NTRK3: variants seen among roughly 807,000 people sequenced by gnomAD.
The protein encoded by NTRK3 is NT-3 growth factor receptor.
In NTRK3, 24 loss-of-function variants were observed where a neutral mutation model predicts 91.7. The ratio of observed to expected loss-of-function variants is 0.26; its 90% CI spans 0.19 to 0.37. The LOEUF is 0.37. Among genes scored for constraint, NTRK3 ranks in the 10% least tolerant of loss-of-function variants. NTRK3 has a pLI of 1.00. For synonymous variants in NTRK3, 483 were observed against 404.0 expected (o/e 1.20, Z -2.34); for missense variants, 880 against 1,068.9 (o/e 0.82, Z 2.46).
chr15:87,878,852 C>A (rs1346284168), intron 18 of NTRK3, among the ~76,000 whole-genome samples: 5 of 151,964 alleles, frequency 3.3e-5, no homozygotes, highest in Admixed American at 3.3e-4. Flanking sequence ...AGCCCAGAAC[C>A]TCTGTTTACT....
chr15:88,003,096 GA>G (rs1471362787), intron 14 of NTRK3, among the ~76,000 whole-genome samples: 2 of 151,934 alleles, frequency 1.3e-5, no homozygotes, highest in Non-Finnish European at 2.9e-5. Context: ...GAAAGATTTA[GA>G]AAAAAAATCA....
chr15:87,997,529 CACAA>C (rs1350508186), intron 14 of NTRK3, among the ~76,000 whole-genome samples: 3 of 152,118 alleles, frequency 2.0e-5, no homozygotes, highest in Admixed American at 6.5e-5. Context: ...GCAAATATAT[CACAA>C]ACAGACACAC....
At chr15:88,032,748 G>T in intron 14 of NTRK3, 109 bp downstream of exon 14, 2 of 1,229,348 alleles carry the variant, frequency 1.6e-6, no homozygotes, top group East Asian at 2.4e-5. Context: ...AAAGTGGGAG[G>T]TTGGCAGGTA....
intron 3 of NTRK3, among the ~76,000 whole-genome samples, chr15:88,211,996 A>G (rs1349432314): frequency 1.3e-5 from 2 of 152,238 alleles, no homozygotes; most frequent in East Asian, 3.8e-4. Context: ...GCCCAGATAC[A>G]TTGCTTTCTA....
chr15:87,879,339 C>T (rs147750994), intron 18 of NTRK3, among the ~76,000 whole-genome samples: 23 of 152,268 alleles, frequency 1.5e-4, no homozygotes, highest in African/African-American at 5.1e-4. Context: ...TTTCATAGGT[C>T]GACTGGGTTG....
At chr15:88,102,018 TAATAA>T (rs996245091) in intron 13 of NTRK3, among the ~76,000 whole-genome samples, 10 of 151,788 alleles carry the variant, frequency 6.6e-5, no homozygotes, top group East Asian at 1.9e-4. Flanking sequence ...AGTATAATAA[TAATAA>T]AATAAAATAA....
chr15:88,190,620 C>A (rs1405866449), intron 3 of NTRK3, among the ~76,000 whole-genome samples: 1 of 152,222 alleles, frequency 6.6e-6, no homozygotes, highest in Admixed American at 6.5e-5. Context: ...GCCCCTCCTC[C>A]CTCCCAAATG....
At chr15:88,046,149 A>T (rs7167737) in intron 13 of NTRK3, among the ~76,000 whole-genome samples, 28 of 152,106 alleles carry the variant, frequency 1.8e-4, no homozygotes, top group African/African-American at 5.3e-4. Flanking sequence ...GAGGAATCTC[A>T]GGCTCTGGGT....
intron 14 of NTRK3, among the ~76,000 whole-genome samples, chr15:88,030,119 T>A (rs1229916699): frequency 6.6e-6 from 1 of 152,140 alleles, no homozygotes; most frequent in African/African-American, 2.4e-5. Flanking sequence ...TGATCTGGAG[T>A]CATCTCATGA....
intron 13 of NTRK3, among the ~76,000 whole-genome samples, chr15:88,062,554 C>T (rs1246395591): frequency 6.6e-6 from 1 of 152,170 alleles, no homozygotes; most frequent in Admixed American, 6.5e-5. Flanking sequence ...GCCCTAGCTG[C>T]CAATTTAGCC....
At chr15:88,142,644 A>T (rs2151275149) in intron 6 of NTRK3, among the ~76,000 whole-genome samples, 1 of 152,352 alleles carries the variant, frequency 6.6e-6, no homozygotes, top group Non-Finnish European at 1.5e-5. Context: ...TCCCCAAAGG[A>T]TGGAGCCATC....
At chr15:88,058,297 G>A (rs1479675547) in intron 13 of NTRK3, among the ~76,000 whole-genome samples, 1 of 152,182 alleles carries the variant, frequency 6.6e-6, no homozygotes, top group Non-Finnish European at 1.5e-5. Context: ...GAGGCCTTGG[G>A]GAGGTTACTT....
chr15:88,033,215 T>A (rs1449590583), intron 13 of NTRK3, among the ~76,000 whole-genome samples, 170 bp from the exon 14 acceptor site: 5 of 126,736 alleles, frequency 3.9e-5, no homozygotes, highest in African/African-American at 6.1e-5. Context: ...TATATATATA[T>A]AAATTCAGTT....
chr15:87,944,575 T>C (rs1357317536), intron 14 of NTRK3, among the ~76,000 whole-genome samples: 1 of 152,166 alleles, frequency 6.6e-6, no homozygotes, highest in Non-Finnish European at 1.5e-5. Context: ...CCGAAACCCG[T>C]GTTCTTTCCT....
At chr15:88,066,031 A>G (rs2046621438) in intron 13 of NTRK3, among the ~76,000 whole-genome samples, 1 of 152,236 alleles carries the variant, frequency 6.6e-6, no homozygotes, top group African/African-American at 2.4e-5. Context: ...TAGTAACTAA[A>G]TCATGTGTAG....
At chr15:87,982,670 C>T (rs751719368) in intron 14 of NTRK3, among the ~76,000 whole-genome samples, 3 of 152,138 alleles carry the variant, frequency 2.0e-5, no homozygotes, top group Admixed American at 6.5e-5. Flanking sequence ...AGCACCCATA[C>T]GATTGGATGA....
At position 88,041,779 on chromosome 15, in the gene NTRK3, G is replaced by A. The variant is rs139247394; in HGVS notation, c.1397-8734C>T. 7.6e-3 allele frequency among the ~76,000 whole-genome samples: 1,083 copies of A among 142,300 alleles called. 5 individuals carry two copies. The highest frequency in any genetic ancestry group is 0.023 in the Middle Eastern group (6 of 260). 93.4% of individuals were successfully genotyped at this position (142,300 alleles called of 152,430 possible). ...TTTAATTTCTTCATTCAGACACTTC[G>A]CGTGCATCACACCATCTTCAGCAAG... On this transcript the variant is annotated intron_variant, in intron 13 of 18. Transcript: ENST00000394480.
intron 13 of NTRK3, among the ~76,000 whole-genome samples, chr15:88,106,012 T>A (rs1042626957): frequency 6.6e-6 from 1 of 152,266 alleles, no homozygotes; most frequent in Non-Finnish European, 1.5e-5. Context: ...TTCCGCTGCC[T>A]CCATTGCACT....
chr15:88,059,390 T>C (rs1481005360), intron 13 of NTRK3, among the ~76,000 whole-genome samples: 2 of 152,274 alleles, frequency 1.3e-5, no homozygotes, highest in African/African-American at 4.8e-5. Flanking sequence ...AGTACACACA[T>C]CCTACATGTT....
Sources: allele counts gnomAD v4.1 joint callset (sites outside exome capture counted in the v4.1 genomes callset), GRCh38; gene constraint gnomAD v4.1.1; transcripts MANE v1.5; gene names NCBI Gene and HGNC (gene_info 2026-07-23, HGNC 2026-07-21).